Variants in BCKDHB observed in about 807,000 individuals in gnomAD.
The protein encoded by BCKDHB is branched chain keto acid dehydrogenase E1 subunit beta, also known as 2-oxoisovalerate dehydrogenase subunit beta, mitochondrial.
BCKDHB carries 41 observed loss-of-function variants against 48.5 expected under a neutral mutation model. That is an observed-to-expected ratio of 0.85 (90% confidence interval 0.66 to 1.10). The LOEUF is 1.10. Among genes scored for constraint, BCKDHB ranks in the 50% least tolerant of loss-of-function variants. The probability of loss-of-function intolerance (pLI) is 0.00; values close to 1 mark genes in which losing one functional copy is unlikely to be tolerated. For synonymous variants in BCKDHB, 201 were observed against 174.8 expected, an observed-to-expected ratio of 1.15 and a Z score of -1.18; for missense variants, 496 against 494.2, an observed-to-expected ratio of 1.00 and a Z score of -0.03.
At chr6:80,272,531 T>C (rs898390499) in intron 8 of BCKDHB, among the ~76,000 whole-genome samples, 17 of 152,160 alleles carry the variant, frequency 1.1e-4, no homozygotes, top group African/African-American at 3.4e-4. Flanking sequence ...GACAACCACA[T>C]TGAACAACTA....
intron 9 of BCKDHB, among the ~76,000 whole-genome samples, chr6:80,326,705 T>C (rs983510218): frequency 4.6e-5 from 7 of 152,046 alleles, no homozygotes; most frequent in African/African-American, 1.7e-4. Context: ...CTGGGCAATA[T>C]GGTGAAACTC....
chr6:80,457,499 T>C, the BCKDHB span, among the ~76,000 whole-genome samples: 1 of 152,176 alleles, frequency 6.6e-6, no homozygotes, highest in Admixed American at 6.5e-5. Flanking sequence ...CTCCCTCCTG[T>C]CTGTTTGGGT....
the BCKDHB span, among the ~76,000 whole-genome samples, chr6:80,417,198 G>A: frequency 6.2e-4 from 94 of 151,960 alleles, no homozygotes; most frequent in African/African-American, 2.2e-3. Context: ...CCATTTGCTG[G>A]GTAGATTTTT....
chr6:80,250,913 A>G (rs1378959028), intron 8 of BCKDHB, among the ~76,000 whole-genome samples: 2 of 152,318 alleles, frequency 1.3e-5, no homozygotes, highest in East Asian at 1.9e-4. Context: ...TAAAGTGCTT[A>G]GTAGTTATAG....
the BCKDHB span, among the ~76,000 whole-genome samples, chr6:80,463,729 C>T: frequency 6.6e-6 from 1 of 152,166 alleles, no homozygotes; most frequent in Non-Finnish European, 1.5e-5. Context: ...CACCCATAAG[C>T]ATCTATTATA....
the BCKDHB span, among the ~76,000 whole-genome samples, chr6:80,408,694 G>A: frequency 6.6e-6 from 1 of 151,736 alleles, no homozygotes; most frequent in Non-Finnish European, 1.5e-5. Flanking sequence ...TGTGGGATTG[G>A]TGGTGATATT....
intron 9 of BCKDHB, among the ~76,000 whole-genome samples, chr6:80,312,898 T>G (rs1222808381): frequency 6.6e-6 from 1 of 152,150 alleles, no homozygotes; most frequent in African/African-American, 2.4e-5. Flanking sequence ...TTTTTGTTGT[T>G]GTATCTCTTC....
intron 9 of BCKDHB, among the ~76,000 whole-genome samples, chr6:80,318,283 G>T (rs922513211): frequency 6.6e-6 from 1 of 152,284 alleles, no homozygotes; most frequent in East Asian, 1.9e-4. Flanking sequence ...ACAGGGAGAA[G>T]GACATGAAAT....
At chr6:80,332,316 T>C (rs1380396831) in intron 9 of BCKDHB, among the ~76,000 whole-genome samples, 2 of 152,232 alleles carry the variant, frequency 1.3e-5, no homozygotes, top group East Asian at 3.8e-4. Flanking sequence ...ATTTTAAGGT[T>C]AATTTAATTG....
chr6:80,422,763 A>G, the BCKDHB span, among the ~76,000 whole-genome samples: 1 of 152,150 alleles, frequency 6.6e-6, no homozygotes, highest in Admixed American at 6.5e-5. Flanking sequence ...CAATTTCTCC[A>G]ATTTGGAATG....
At chr6:80,403,142 A>G in the BCKDHB span, among the ~76,000 whole-genome samples, 1 of 151,972 alleles carries the variant, frequency 6.6e-6, no homozygotes, top group African/African-American at 2.4e-5. Context: ...TCTGTGAAAA[A>G]GGCCATTGTA....
At chr6:80,218,614 C>T (rs898541472) in intron 8 of BCKDHB, among the ~76,000 whole-genome samples, 1 of 151,880 alleles carries the variant, frequency 6.6e-6, no homozygotes, top group East Asian at 1.9e-4. Flanking sequence ...TTTATTTTTT[C>T]TACTGATTAC....
intron 8 of BCKDHB, among the ~76,000 whole-genome samples, chr6:80,234,175 T>A (rs968566069): frequency 2.0e-5 from 3 of 152,180 alleles, no homozygotes; most frequent in African/African-American, 7.2e-5. Flanking sequence ...GTGGCCAGGT[T>A]CCTAACAGGG....
chr6:80,233,969 T>C (rs1381655607), intron 8 of BCKDHB, among the ~76,000 whole-genome samples: 1 of 152,042 alleles, frequency 6.6e-6, no homozygotes, highest in African/African-American at 2.4e-5. Flanking sequence ...TGGGAAATGG[T>C]TTCGAGATGA....
intron 1 of BCKDHB, among the ~76,000 whole-genome samples, chr6:80,112,755 C>T (rs773369870): frequency 6.6e-6 from 1 of 152,172 alleles, no homozygotes; most frequent in African/African-American, 2.4e-5. Flanking sequence ...GAGTTGGATT[C>T]CCCGGGGTGT....
At chr6:80,229,093 CAGTG>C (rs1390745949) in intron 8 of BCKDHB, among the ~76,000 whole-genome samples, 1 of 152,184 alleles carries the variant, frequency 6.6e-6, no homozygotes, top group South Asian at 2.1e-4. Context: ...AACAGATACT[CAGTG>C]AGCACCTTCT....
chr6:80,397,588 A>G, the BCKDHB span, among the ~76,000 whole-genome samples: 1 of 152,206 alleles, frequency 6.6e-6, no homozygotes, highest in African/African-American at 2.4e-5. Flanking sequence ...TCAAGAATAA[A>G]AAGCTTACTC....
the BCKDHB span, among the ~76,000 whole-genome samples, chr6:80,354,205 A>C: frequency 6.6e-6 from 1 of 151,456 alleles, no homozygotes; most frequent in Non-Finnish European, 1.5e-5. Context: ...TTTAATTATA[A>C]CCCATTTGTC....
intron 1 of BCKDHB, among the ~76,000 whole-genome samples, chr6:80,124,469 T>A (rs762801345): frequency 1.2e-4 from 18 of 152,214 alleles, no homozygotes; most frequent in Non-Finnish European, 2.5e-4. Flanking sequence ...TTTCTCGTTG[T>A]TCTGTCTAAT....
Sources: gnomAD v4.1 joint callset for allele counts (sites outside exome capture counted in the v4.1 genomes callset) on GRCh38, gnomAD v4.1.1 for gene constraint, MANE v1.5 for transcripts, NCBI Gene and HGNC (gene_info 2026-07-23, HGNC 2026-07-21) for gene names.